The following ZNRF3 variants were observed in gnomAD, a reference collection of about 807,000 sequenced individuals.
ZNRF3 encodes zinc and ring finger 3, also known as E3 ubiquitin-protein ligase ZNRF3.
A neutral mutation model predicts 72.5 loss-of-function variants in ZNRF3; 23 were observed. The ratio of observed to expected loss-of-function variants is 0.32; its 90% CI spans 0.23 to 0.45. ZNRF3 has a LOEUF of 0.45. ZNRF3 is among the 20% of genes least tolerant of loss of function. The pLI is 1.00. For missense variants in ZNRF3, 1,169 were observed against 1,272.1 expected (o/e 0.92, Z 1.23); for synonymous variants, 610 against 545.3 (o/e 1.12, Z -1.65).
At chr22:28,965,089 C>T (rs1051706830) in intron 1 of ZNRF3, among the ~76,000 whole-genome samples, 1 of 152,108 alleles carries the variant, frequency 6.6e-6, no homozygotes, top group African/African-American at 2.4e-5. Context: ...GGAGCAGGAC[C>T]GAGGGCAACC....
At chr22:29,007,737 A>G (rs2036281347) in intron 2 of ZNRF3, among the ~76,000 whole-genome samples, 1 of 149,016 alleles carries the variant, frequency 6.7e-6, no homozygotes, top group African/African-American at 2.5e-5. Context: ...CCTTTCATAG[A>G]AATTCCATTT....
intron 1 of ZNRF3, among the ~76,000 whole-genome samples, chr22:28,890,258 T>C (rs1191672815): frequency 1.3e-5 from 2 of 152,166 alleles, no homozygotes; most frequent in Non-Finnish European, 2.9e-5. Flanking sequence ...CCCAACACTT[T>C]GGGAAGCCGA....
chr22:29,016,272 G>A (rs1404234453), intron 2 of ZNRF3, among the ~76,000 whole-genome samples: 5 of 152,208 alleles, frequency 3.3e-5, no homozygotes, highest in African/African-American at 1.2e-4. Context: ...GAAGTGGTAT[G>A]TGACTGCCTT....
chr22:28,928,655 G>A (rs2034646626), intron 1 of ZNRF3, among the ~76,000 whole-genome samples: 1 of 151,706 alleles, frequency 6.6e-6, no homozygotes, highest in Non-Finnish European at 1.5e-5. Context: ...CACCAAACCC[G>A]GCTAATTTTT....
intron 2 of ZNRF3, among the ~76,000 whole-genome samples, chr22:29,036,111 T>C (rs1403539565): frequency 6.6e-6 from 1 of 152,238 alleles, no homozygotes; most frequent in Non-Finnish European, 1.5e-5. Context: ...TATGTTAAAA[T>C]GCTGGGATAT....
At chr22:28,936,434 C>G (rs906530092) in intron 1 of ZNRF3, among the ~76,000 whole-genome samples, 3 of 152,148 alleles carry the variant, frequency 2.0e-5, no homozygotes, top group African/African-American at 7.2e-5. Flanking sequence ...TGGAGTACAT[C>G]AGCAGGCAAC....
intron 1 of ZNRF3, among the ~76,000 whole-genome samples, chr22:28,890,603 A>T (rs1419043658): frequency 1.3e-5 from 2 of 152,186 alleles, no homozygotes; most frequent in Admixed American, 1.3e-4. Flanking sequence ...GATGAAACTG[A>T]GTATTGACAA....
At chr22:29,044,698 C>G in intron 4 of ZNRF3, 82 bp from the exon 5 acceptor site, 1 of 960,056 alleles carries the variant, frequency 1.0e-6, no homozygotes, top group Admixed American at 1.7e-5. Flanking sequence ...CCATCTTTAT[C>G]CTGACAAAGC....
At chr22:28,901,250 G>C (rs1173719095) in intron 1 of ZNRF3, among the ~76,000 whole-genome samples, 1 of 152,074 alleles carries the variant, frequency 6.6e-6, no homozygotes, top group Non-Finnish European at 1.5e-5. Context: ...CTGCTCATCG[G>C]TCATAATGTG....
Position 29,048,351 on chromosome 22 carries a change from GCTGAAGGCAGA to G in ZNRF3, c.913-35_913-25del. On this transcript the variant is annotated intron_variant, in intron 6 of 8. Transcript: ENST00000544604. The surrounding 1 kb of genome is among the most constrained non-coding windows in gnomAD (Gnocchi z 4.9). ...CTCTGCAGGAGGACACACCTGCGAG[GCTGAAGGCAGA>G]CTTGTGTCCCCTCTCTCCCTGCCCA... The G allele has an allele frequency of 6.3e-7, 1 of 1,583,998 alleles. No homozygotes were observed. Among genetic ancestry groups the G allele is most frequent in the Non-Finnish European group, 8.7e-7 (1 of 1,154,214 alleles).
chr22:29,043,462 G>A lies in ZNRF3; in HGVS notation c.633+32G>A, dbSNP rs372610337. 2.2e-5 allele frequency: 36 copies of A among 1,610,480 alleles called. No homozygotes were observed. The African/African-American group carries it at 4.5e-4, about 20-fold the overall frequency. On this transcript the variant is annotated intron_variant, in intron 4 of 8. Transcript: ENST00000544604. Reference sequence around the variant, plus strand: ...CTCCGCACCATTTGGCACAGGCTCGGGGCCTTCTCTGCTACTACCTGTCCC... The same window carrying A: ...CTCCGCACCATTTGGCACAGGCTCGAGGCCTTCTCTGCTACTACCTGTCCC...
chr22:29,046,784 C>A lies in ZNRF3; in HGVS notation c.813C>A (p.Ser271Arg). ...KMETRKFNSKSKGRREGSCGA... is the reference protein window; with the variant it reads ...KMETRKFNSKRKGRREGSCGA... ...AAACCAGAAAGTTCAACTCCAAGAG[C>A]AAGGGGCGCCGGGAGGGGAGCTGTG... Residue 271 changes from serine (S) to arginine (R), a missense_variant, in exon 6 of 9, where the codon AGC becomes AGA. Physicochemically the swap from Ser to Arg is moderately radical, Grantham distance 110. This residue lies in a region of ZNRF3 where 386 missense variants were observed against 540.7 expected (regional missense o/e 0.71). Coordinates refer to ENST00000544604, the MANE Select transcript of ZNRF3 (RefSeq NM_001206998.2). The A allele has an allele frequency of 6.2e-7, 1 of 1,611,972 alleles. No individual in the cohort carries two copies. The highest frequency in any genetic ancestry group is 8.5e-7 in the Non-Finnish European group (1 of 1,178,988).
At chr22:28,985,991 A>G (rs144332380) in intron 1 of ZNRF3, among the ~76,000 whole-genome samples, 1 of 152,302 alleles carries the variant, frequency 6.6e-6, no homozygotes, top group African/African-American at 2.4e-5. Context: ...TTCAAAGCAC[A>G]TCAGCCTCTG....
intron 1 of ZNRF3, among the ~76,000 whole-genome samples, chr22:28,949,115 A>G (rs1029165089): frequency 1.3e-5 from 2 of 151,746 alleles, no homozygotes; most frequent in Non-Finnish European, 2.9e-5. Flanking sequence ...GAGTAGCTGG[A>G]ATTACAGGCA....
intron 2 of ZNRF3, among the ~76,000 whole-genome samples, chr22:29,028,990 C>A (rs2036695606): frequency 6.6e-6 from 1 of 152,238 alleles, no homozygotes; most frequent in Non-Finnish European, 1.5e-5. Flanking sequence ...ACAGACCTCT[C>A]TTCTAGGACC....
chr22:28,903,300 T>A (rs2034143177), intron 1 of ZNRF3, among the ~76,000 whole-genome samples: 2 of 152,168 alleles, frequency 1.3e-5, no homozygotes, highest in Admixed American at 1.3e-4. Context: ...TAGGCCAGCC[T>A]GCTTGTTGTT....
intron 1 of ZNRF3, among the ~76,000 whole-genome samples, chr22:28,929,171 GC>G (rs776719699): frequency 7.7e-4 from 118 of 152,360 alleles, no homozygotes; most frequent in Middle Eastern, 3.4e-3. Flanking sequence ...CAGGAAGCCA[GC>G]GGCCTTTGAG....
chr22:29,025,246 T>C (rs56734451), intron 2 of ZNRF3: 9,436 of 152,288 alleles, frequency 0.062, 649 homozygotes, highest in African/African-American at 0.17. Context: ...CCTCCCAAAG[T>C]GCTGGGATTA....
At chr22:28,897,023 C>T (rs1290674186) in intron 1 of ZNRF3, among the ~76,000 whole-genome samples, 7 of 152,236 alleles carry the variant, frequency 4.6e-5, no homozygotes, top group Admixed American at 4.6e-4. Context: ...TCCGTCTCAG[C>T]CTTCCGAGTA....
Sources: gnomAD v4.1 joint callset for allele counts (sites outside exome capture counted in the v4.1 genomes callset) on GRCh38, gnomAD v4.1.1 for gene constraint, gnomAD v4.1.1 regional missense constraint, Gnocchi (gnomAD v3.1) non-coding constraint, MANE v1.5 for transcripts, NCBI Gene and HGNC (gene_info 2026-07-23, HGNC 2026-07-21) for gene names.